SHISA9: variants seen among roughly 807,000 people sequenced by gnomAD.
SHISA9 encodes the protein shisa family member 9.
In SHISA9, 13 loss-of-function variants were observed where a neutral mutation model predicts 38.0. That is an observed-to-expected ratio of 0.34 (90% CI 0.22 to 0.54). SHISA9 has a LOEUF of 0.54. Among genes scored for constraint, SHISA9 ranks in the 20% least tolerant of loss-of-function variants. The pLI is 0.91. For missense variants in SHISA9, 538 were observed against 575.8 expected, an observed-to-expected ratio of 0.93 and a Z score of 0.67; for synonymous variants, 275 against 242.0, an observed-to-expected ratio of 1.14 and a Z score of -1.27.
the SHISA9 span, among the ~76,000 whole-genome samples, chr16:13,424,844 G>C: frequency 8.7e-4 from 133 of 152,294 alleles, no homozygotes; most frequent in African/African-American, 3.1e-3. Context: ...GCTGCTTTAA[G>C]GCTTTGGCCT....
the SHISA9 span, among the ~76,000 whole-genome samples, chr16:13,313,500 A>G: frequency 6.6e-6 from 1 of 152,202 alleles, no homozygotes; most frequent in South Asian, 2.1e-4. Flanking sequence ...ATTTAGCCAT[A>G]TGGAGGTAAC....
At chr16:13,252,305 C>G in the SHISA9 span, among the ~76,000 whole-genome samples, 1 of 152,160 alleles carries the variant, frequency 6.6e-6, no homozygotes, top group Non-Finnish European at 1.5e-5. Flanking sequence ...TATCCCTCCT[C>G]CAGGGGACAT....
intron 2 of SHISA9, among the ~76,000 whole-genome samples, chr16:13,015,420 A>C (rs2072729113): frequency 6.6e-6 from 1 of 152,240 alleles, no homozygotes; most frequent in South Asian, 2.1e-4. Flanking sequence ...TCAAAGCTCA[A>C]AGATGTTAAA....
chr16:13,490,792 G>A, the SHISA9 span, among the ~76,000 whole-genome samples: 1 of 152,208 alleles, frequency 6.6e-6, no homozygotes. Context: ...TCGGCCAACT[G>A]ACTGCTGATG....
the SHISA9 span, among the ~76,000 whole-genome samples, chr16:13,551,044 A>C: frequency 6.6e-6 from 1 of 152,018 alleles, no homozygotes; most frequent in Non-Finnish European, 1.5e-5. Flanking sequence ...GAATCGCTTG[A>C]ACCTGGGAGG....
chr16:13,547,984 T>C, the SHISA9 span, among the ~76,000 whole-genome samples: 3 of 152,020 alleles, frequency 2.0e-5, no homozygotes, highest in Non-Finnish European at 2.9e-5. Flanking sequence ...GTCTATAATA[T>C]GCAAAATAGC....
intron 1 of SHISA9, among the ~76,000 whole-genome samples, chr16:12,913,893 G>T (rs944586122): frequency 6.6e-6 from 1 of 151,920 alleles, no homozygotes; most frequent in Non-Finnish European, 1.5e-5. Flanking sequence ...AACACATCTC[G>T]TGTGTCCATT....
chr16:13,097,804 G>A (rs576729216), intron 2 of SHISA9, among the ~76,000 whole-genome samples: 1 of 152,234 alleles, frequency 6.6e-6, no homozygotes, highest in Non-Finnish European at 1.5e-5. Flanking sequence ...ACAGGAATGA[G>A]TTTTAGAAGT....
intron 2 of SHISA9, among the ~76,000 whole-genome samples, chr16:12,952,650 C>T (rs927034762): frequency 1.3e-5 from 2 of 152,108 alleles, no homozygotes; most frequent in Admixed American, 6.6e-5. Flanking sequence ...AGTGAGTTCT[C>T]ACGGGATCTG....
At chr16:13,417,191 A>G in the SHISA9 span, among the ~76,000 whole-genome samples, 69 of 152,190 alleles carry the variant, frequency 4.5e-4, no homozygotes, top group Admixed American at 1.0e-3. Flanking sequence ...AGGACTATTA[A>G]CATCAGCACG....
At chr16:12,908,813 A>G in intron 1 of SHISA9, 1 of 1,341,196 alleles carries the variant, frequency 7.5e-7, no homozygotes, top group Non-Finnish European at 9.6e-7. Context: ...TTGGGGACAG[A>G]AGCACATATG....
At chr16:13,456,813 C>T in the SHISA9 span, among the ~76,000 whole-genome samples, 5 of 152,198 alleles carry the variant, frequency 3.3e-5, no homozygotes, top group African/African-American at 4.8e-5. Flanking sequence ...ACACCAAGTC[C>T]CAGGTAATTG....
chr16:13,087,784 C>A (rs1298144472), intron 2 of SHISA9, among the ~76,000 whole-genome samples: 1 of 152,218 alleles, frequency 6.6e-6, no homozygotes, highest in Non-Finnish European at 1.5e-5. Context: ...GTTGCCTGTT[C>A]ACTCTGATGG....
intron 2 of SHISA9, among the ~76,000 whole-genome samples, chr16:13,049,343 A>G (rs2073225163): frequency 6.6e-6 from 1 of 152,124 alleles, no homozygotes; most frequent in South Asian, 2.1e-4. Context: ...AATCAGGTTG[A>G]CCAGATGACG....
intron 2 of SHISA9, among the ~76,000 whole-genome samples, chr16:12,929,101 G>A (rs937080352): frequency 3.3e-5 from 5 of 152,180 alleles, no homozygotes; most frequent in African/African-American, 1.2e-4. Flanking sequence ...ACCATCTCAT[G>A]TCAGTCAGGA....
intron 2 of SHISA9, among the ~76,000 whole-genome samples, chr16:13,123,181 T>A (rs554361410): frequency 2.0e-5 from 3 of 152,222 alleles, no homozygotes; most frequent in Non-Finnish European, 4.4e-5. Flanking sequence ...TTCCTGAGGA[T>A]GTATGGGAGA....
chr16:13,210,458 A>G (rs1388997383), intron 3 of SHISA9, among the ~76,000 whole-genome samples: 1 of 152,100 alleles, frequency 6.6e-6, no homozygotes, highest in Non-Finnish European at 1.5e-5. Context: ...TTAAAAAAAA[A>G]TTGTCTGTGT....
At chr16:12,937,635 G>T (rs369746712) in intron 2 of SHISA9, among the ~76,000 whole-genome samples, 16 of 152,316 alleles carry the variant, frequency 1.1e-4, no homozygotes, top group African/African-American at 3.8e-4. Context: ...CCACCTTCTT[G>T]CTGTGTCCTC....
intron 2 of SHISA9, among the ~76,000 whole-genome samples, chr16:13,034,754 C>T (rs1055333825): frequency 5.9e-5 from 9 of 152,230 alleles, no homozygotes; most frequent in Admixed American, 1.3e-4. Context: ...AGCTGAAGAA[C>T]GCTTGTGTGT....
Sources: allele counts gnomAD v4.1 joint callset (sites outside exome capture counted in the v4.1 genomes callset), GRCh38; gene constraint gnomAD v4.1.1; transcripts MANE v1.5; gene names NCBI Gene and HGNC (gene_info 2026-07-23, HGNC 2026-07-21).